Variants in GABRB1 observed in about 807,000 individuals in gnomAD.
GABRB1 encodes gamma-aminobutyric acid receptor subunit beta-1.
Under a neutral mutation model 51.6 loss-of-function variants are expected in GABRB1, and 17 were observed. The ratio of observed to expected loss-of-function variants is 0.33; its 90% CI spans 0.23 to 0.49. GABRB1 has a LOEUF of 0.49. Among genes scored for constraint, GABRB1 ranks in the 20% least tolerant of loss-of-function variants. The probability of loss-of-function intolerance (pLI) is 0.99; values close to 1 mark genes in which losing one functional copy is unlikely to be tolerated. For synonymous variants in GABRB1, 247 were observed against 218.9 expected (o/e 1.13, Z -1.14); for missense variants, 410 against 600.6 (o/e 0.68, Z 3.32).
At chr4:47,155,931 A>ATATATATATATATATT (rs1717678312) in intron 3 of GABRB1, among the ~76,000 whole-genome samples, 1 of 93,700 alleles carries the variant, frequency 1.1e-5, no homozygotes, top group Non-Finnish European at 2.0e-5. Context: ...ATATATATAT[A>ATATATATATATATATT]TATATATATA....
intron 7 of GABRB1, 21 bp downstream of exon 7, chr4:47,403,732 C>T (rs1255835593): frequency 6.2e-7 from 1 of 1,606,316 alleles, no homozygotes; most frequent in Non-Finnish European, 8.5e-7. Context: ...CTCAGCACTG[C>T]AGAGAGCTAA....
chr4:47,211,534 G>T (rs1410413303), intron 4 of GABRB1, among the ~76,000 whole-genome samples: 1 of 152,154 alleles, frequency 6.6e-6, no homozygotes, highest in Non-Finnish European at 1.5e-5. Flanking sequence ...TGTGGACAAG[G>T]TTTAGAATGA....
intron 4 of GABRB1, among the ~76,000 whole-genome samples, chr4:47,185,965 C>A (rs1316747166): frequency 6.6e-6 from 1 of 151,842 alleles, no homozygotes; most frequent in Non-Finnish European, 1.5e-5. Context: ...GGAGGAGTAC[C>A]ATGCGTGGCT....
At chr4:47,267,581 G>C (rs553675511) in intron 4 of GABRB1, among the ~76,000 whole-genome samples, 1 of 151,914 alleles carries the variant, frequency 6.6e-6, no homozygotes, top group Non-Finnish European at 1.5e-5. Context: ...GATCACCTGC[G>C]GTCAGGAGTT....
chr4:47,194,802 A>T (rs1321140109), intron 4 of GABRB1, among the ~76,000 whole-genome samples: 1 of 152,204 alleles, frequency 6.6e-6, no homozygotes, highest in African/African-American at 2.4e-5. Context: ...AAAAAAACAT[A>T]GTGTACTTAG....
At chr4:47,259,901 G>C (rs1193974230) in intron 4 of GABRB1, among the ~76,000 whole-genome samples, 4 of 152,102 alleles carry the variant, frequency 2.6e-5, no homozygotes, top group Non-Finnish European at 5.9e-5. Flanking sequence ...CTGTCTCGTT[G>C]ATCTGTCTGA....
At chr4:47,194,366 T>C (rs958946863) in intron 4 of GABRB1, among the ~76,000 whole-genome samples, 2 of 152,224 alleles carry the variant, frequency 1.3e-5, no homozygotes, top group Non-Finnish European at 2.9e-5. Context: ...CTATTTAGAA[T>C]GAATAGTTGT....
At chr4:47,267,978 T>A (rs1331237055) in intron 4 of GABRB1, among the ~76,000 whole-genome samples, 3 of 151,966 alleles carry the variant, frequency 2.0e-5, no homozygotes, top group Non-Finnish European at 4.4e-5. Context: ...GATAAAAAAA[T>A]TTCAGAGAGG....
At chr4:47,260,658 ACT>A (rs1722393203) in intron 4 of GABRB1, among the ~76,000 whole-genome samples, 1 of 151,942 alleles carries the variant, frequency 6.6e-6, no homozygotes, top group East Asian at 1.9e-4. Flanking sequence ...ATTGGCCCCC[ACT>A]CTCTTCTGGC....
chr4:47,017,435 A>T (rs1724783307), intron 1 of GABRB1, among the ~76,000 whole-genome samples: 1 of 152,222 alleles, frequency 6.6e-6, no homozygotes, highest in Non-Finnish European at 1.5e-5. Flanking sequence ...ATATCATTTA[A>T]CTTAAAGGAA....
chr4:47,048,562 C>A (rs1414635309), intron 3 of GABRB1, among the ~76,000 whole-genome samples: 1 of 151,894 alleles, frequency 6.6e-6, no homozygotes, highest in East Asian at 1.9e-4. Flanking sequence ...TGTATTTAGA[C>A]CAGGAAAAAA....
intron 5 of GABRB1, among the ~76,000 whole-genome samples, chr4:47,335,609 A>G (rs1725668868): frequency 6.6e-6 from 1 of 152,216 alleles, no homozygotes. Context: ...ATGAAGTTTA[A>G]GAAGTATTCT....
At chr4:47,284,058 A>ACTG (rs1707516146) in intron 4 of GABRB1, among the ~76,000 whole-genome samples, 1 of 144,120 alleles carries the variant, frequency 6.9e-6, no homozygotes, top group Admixed American at 7.3e-5. Flanking sequence ...GGTCAGCGCC[A>ACTG]CTGCACTCCA....
chr4:47,184,683 C>T (rs1482331923), intron 4 of GABRB1, among the ~76,000 whole-genome samples: 2 of 151,830 alleles, frequency 1.3e-5, no homozygotes, highest in East Asian at 1.9e-4. Context: ...AATGATACAT[C>T]GTATTGAGCT....
chr4:47,319,749 A>G (rs1725008919), intron 4 of GABRB1, among the ~76,000 whole-genome samples: 1 of 152,160 alleles, frequency 6.6e-6, no homozygotes, highest in African/African-American at 2.4e-5. Context: ...ACAGTTTAAG[A>G]AAGGTTAATA....
In GABRB1 at chr4:47,227,195, G is replaced by A. The variant is rs181031468; in HGVS notation, c.461+65726G>A. On this transcript the variant is annotated intron_variant, in intron 4 of 8. Coordinates refer to ENST00000295454, the MANE Select transcript of GABRB1 (RefSeq NM_000812.4). The stretch of plus-strand genomic sequence containing the variant: ...CTTCACTCATTATGTGTCATTTAGG[G>A]AAGGCAAAGTTGCTGCAATATTCAT... Among the ~76,000 whole-genome samples, 303 of 152,200 alleles carry A rather than the reference G, an allele frequency of 2.0e-3. 2 individuals are homozygous for A. The highest frequency in any genetic ancestry group is 3.7e-3 in the South Asian group (18 of 4,824).
In GABRB1 at chr4:47,243,480, T is replaced by C. The variant is rs577481550; in HGVS notation, c.462-76647T>C. The stretch of plus-strand genomic sequence containing the variant: ...TGAATCTATAAATTACCTTGGGCAG[T>C]ATGGCCATTTTCACAATATTGATTC... On this transcript the variant is annotated intron_variant, in intron 4 of 8. Transcript: ENST00000295454. Among the ~76,000 whole-genome samples the C allele has an allele frequency of 6.6e-5, 10 of 152,336 alleles. No homozygotes were observed. The East Asian group carries it at 1.9e-3, about 29-fold the overall frequency.
At position 47,161,483 on chromosome 4, in the gene GABRB1, T is replaced by A; in HGVS notation, c.461+14T>A. 6.3e-7 allele frequency: 1 copy of A among 1,595,862 alleles called. No homozygotes were observed. The highest frequency in any genetic ancestry group is 8.6e-7 in the Non-Finnish European group (1 of 1,164,684). The stretch of plus-strand genomic sequence containing the variant: ...CTATGGACTCCGGTAAATGGCTTTA[T>A]GTTGCATGTTTTAATGTTGTTGTTG... On this transcript the variant is annotated intron_variant, in intron 4 of 8. Coordinates refer to ENST00000295454, the MANE Select transcript of GABRB1 (RefSeq NM_000812.4).
intron 1 of GABRB1, among the ~76,000 whole-genome samples, chr4:46,998,012 A>C (rs577989593): frequency 6.6e-6 from 1 of 152,288 alleles, no homozygotes; most frequent in East Asian, 1.9e-4. Flanking sequence ...TCGTTTCCAC[A>C]ATAGCTGTAC....
Sources: allele counts gnomAD v4.1 joint callset (sites outside exome capture counted in the v4.1 genomes callset), GRCh38; gene constraint gnomAD v4.1.1; transcripts MANE v1.5; gene names NCBI Gene and HGNC (gene_info 2026-07-23, HGNC 2026-07-21).